Variants in CCSER1 observed in about 807,000 individuals in gnomAD.
CCSER1 encodes serine-rich coiled-coil domain-containing protein 1.
CCSER1 carries 41 observed loss-of-function variants against 82.0 expected under a neutral mutation model. The ratio of observed to expected loss-of-function variants is 0.50; its 90% CI spans 0.39 to 0.65. The LOEUF is 0.65. CCSER1 is among the 30% of genes least tolerant of loss of function. The pLI is 0.00. For missense variants in CCSER1, 1,119 were observed against 1,064.2 expected, an observed-to-expected ratio of 1.05 and a Z score of -0.72; for synonymous variants, 414 against 383.9, an observed-to-expected ratio of 1.08 and a Z score of -0.92.
intron 10 of CCSER1, among the ~76,000 whole-genome samples, chr4:91,353,909 C>A (rs1174673515): frequency 6.6e-6 from 1 of 152,180 alleles, no homozygotes. Context: ...TGCATGGGTA[C>A]ATGTGCCAGT....
chr4:91,257,501 A>ACC (rs1553917651), intron 10 of CCSER1, among the ~76,000 whole-genome samples: 3 of 145,974 alleles, frequency 2.1e-5, no homozygotes, highest in African/African-American at 7.6e-5. Flanking sequence ...ACACACACAC[A>ACC]CCCATTTCTG....
intron 4 of CCSER1, among the ~76,000 whole-genome samples, chr4:90,401,798 G>T (rs986339388): frequency 6.6e-6 from 1 of 152,102 alleles, no homozygotes; most frequent in African/African-American, 2.4e-5. Context: ...CAAAGTGCAG[G>T]GATTACAAGT....
chr4:91,252,766 A>C (rs942165655), intron 10 of CCSER1, among the ~76,000 whole-genome samples: 5 of 152,192 alleles, frequency 3.3e-5, no homozygotes, highest in African/African-American at 2.4e-5. Context: ...ATATAACTTT[A>C]GGACATTAAA....
chr4:91,210,616 G>A (rs904314279), intron 10 of CCSER1, among the ~76,000 whole-genome samples: 1 of 150,692 alleles, frequency 6.6e-6, no homozygotes, highest in Admixed American at 6.6e-5. Context: ...CCCAAATAAA[G>A]GGACATTTTA....
intron 10 of CCSER1, among the ~76,000 whole-genome samples, chr4:91,455,771 G>T (rs570925546): frequency 6.0e-4 from 92 of 152,138 alleles, no homozygotes; most frequent in Non-Finnish European, 9.3e-4. Context: ...AATTGGATTG[G>T]GTAGAATATT....
chr4:91,237,899 A>C (rs1739141294), intron 10 of CCSER1, among the ~76,000 whole-genome samples: 1 of 152,320 alleles, frequency 6.6e-6, no homozygotes, highest in East Asian at 1.9e-4. Context: ...GAGAGCACTA[A>C]AAGTATTCCA....
In CCSER1 at chr4:90,667,738, A is replaced by G. The variant is rs551665472; in HGVS notation, c.1932+39506A>G. Among the ~76,000 whole-genome samples, 4 of 152,212 alleles carry G rather than the reference A, an allele frequency of 2.6e-5. No homozygotes were observed. In the East Asian group the frequency reaches 5.8e-4, roughly 22 times the overall value. Reference sequence around the variant, plus strand: ...GTGCCACGTTTTCTTTATCCAGTCTATCATTGATGGGCATTTAGGTTGGTT... The same window carrying G: ...GTGCCACGTTTTCTTTATCCAGTCTGTCATTGATGGGCATTTAGGTTGGTT... On this transcript the variant is annotated intron_variant, in intron 6 of 10. Transcript: ENST00000509176.
intron 10 of CCSER1, among the ~76,000 whole-genome samples, chr4:91,373,438 T>C (rs77113058): frequency 0.018 from 2,809 of 152,312 alleles, 62 homozygotes; most frequent in African/African-American, 0.063. Flanking sequence ...TTCATTATTA[T>C]TATATCTCTT....
intron 1 of CCSER1, among the ~76,000 whole-genome samples, chr4:90,280,454 G>C (rs1470409015): frequency 3.3e-5 from 5 of 151,302 alleles, no homozygotes; most frequent in African/African-American, 1.2e-4. Flanking sequence ...CCAGAGATAA[G>C]CATTGTCACA....
chr4:90,618,525 A>T (rs1721729266), intron 5 of CCSER1, among the ~76,000 whole-genome samples: 1 of 151,954 alleles, frequency 6.6e-6, no homozygotes, highest in Non-Finnish European at 1.5e-5. Flanking sequence ...TAAAGCAATA[A>T]TATTAGGTTC....
intron 5 of CCSER1, among the ~76,000 whole-genome samples, chr4:90,564,688 T>A (rs202240263): frequency 3.8e-5 from 2 of 52,470 alleles, no homozygotes; most frequent in East Asian, 8.3e-4. Flanking sequence ...ATTCATTTTG[T>A]TTTTTTTTTT....
chr4:90,694,393 C>T (rs1225448200), intron 6 of CCSER1, among the ~76,000 whole-genome samples: 4 of 151,838 alleles, frequency 2.6e-5, no homozygotes. Flanking sequence ...ATTCAGAAAG[C>T]CGTAGAAGTC....
At chr4:90,659,201 C>T (rs1304602865) in intron 6 of CCSER1, among the ~76,000 whole-genome samples, 1 of 150,152 alleles carries the variant, frequency 6.7e-6, no homozygotes, top group African/African-American at 2.5e-5. Flanking sequence ...GTAAAAATTT[C>T]TGGGAGATCA....
chr4:90,357,835 A>C (rs1456649204), intron 3 of CCSER1, among the ~76,000 whole-genome samples: 5 of 152,050 alleles, frequency 3.3e-5, no homozygotes, highest in Non-Finnish European at 7.4e-5. Flanking sequence ...TGCTAGCAAG[A>C]AGCAGTAAAA....
intron 7 of CCSER1, among the ~76,000 whole-genome samples, chr4:90,737,131 A>C (rs902215954): frequency 2.0e-5 from 3 of 152,026 alleles, no homozygotes; most frequent in African/African-American, 7.2e-5. Flanking sequence ...TTTCTACCCA[A>C]GTTATGAGTT....
At chr4:90,723,010 C>A (rs948019832) in intron 6 of CCSER1, among the ~76,000 whole-genome samples, 3 of 151,904 alleles carry the variant, frequency 2.0e-5, no homozygotes, top group Non-Finnish European at 4.4e-5. Flanking sequence ...TTAATCTTCA[C>A]TGCAAAATTT....
chr4:91,527,187 T>A (rs540019497), intron 10 of CCSER1, among the ~76,000 whole-genome samples: 31 of 152,320 alleles, frequency 2.0e-4, no homozygotes, highest in African/African-American at 6.7e-4. Flanking sequence ...AATAAAGTCA[T>A]CTGGGTCTTG....
intron 10 of CCSER1, among the ~76,000 whole-genome samples, chr4:91,580,057 T>G (rs1045001276): frequency 4.6e-5 from 7 of 151,800 alleles, no homozygotes; most frequent in African/African-American, 1.4e-4. Flanking sequence ...GGAAAAAGCT[T>G]CTTATTGCAG....
At chr4:91,074,475 A>ATT (rs1378000017) in intron 9 of CCSER1, among the ~76,000 whole-genome samples, 10 of 152,196 alleles carry the variant, frequency 6.6e-5, no homozygotes, top group African/African-American at 2.4e-4. Context: ...TATACTATAA[A>ATT]TTATTTCAAT....
Sources: gnomAD v4.1 joint callset for allele counts (sites outside exome capture counted in the v4.1 genomes callset) on GRCh38, gnomAD v4.1.1 for gene constraint, MANE v1.5 for transcripts, NCBI Gene and HGNC (gene_info 2026-07-23, HGNC 2026-07-21) for gene names.